The following ANKMY1 variants were observed in gnomAD, a reference collection of about 807,000 sequenced individuals.
ANKMY1 encodes ankyrin repeat and MYND domain containing 1.
In ANKMY1, 98 loss-of-function variants were observed where a neutral mutation model predicts 102.0. That is an observed-to-expected ratio of 0.96 (90% CI 0.82 to 1.14). The LOEUF is 1.14. Among genes scored for constraint, ANKMY1 ranks in the 50% most tolerant of loss-of-function variants. The pLI is 0.00. For missense variants in ANKMY1, 1,330 were observed against 1,347.6 expected (o/e 0.99, Z 0.20); for synonymous variants, 582 against 559.9 (o/e 1.04, Z -0.56).
chr2:240,480,338 G>A (rs1325793834), intron 17 of ANKMY1, among the ~76,000 whole-genome samples: 3 of 152,166 alleles, frequency 2.0e-5, no homozygotes, highest in Admixed American at 6.5e-5. Context: ...CCAGTAGAGC[G>A]GTCACCACTG....
chr2:240,500,405 C>T (rs964059183), intron 14 of ANKMY1, 47 bp downstream of exon 14: 12 of 1,563,138 alleles, frequency 7.7e-6, no homozygotes, highest in East Asian at 2.2e-5. Flanking sequence ...GGGCCCTGCA[C>T]GTGACCCACA....
chr2:240,483,624 T>C (rs2151858440), intron 15 of ANKMY1, among the ~76,000 whole-genome samples: 1 of 152,364 alleles, frequency 6.6e-6, no homozygotes, highest in Non-Finnish European at 1.5e-5. Flanking sequence ...TTGTTTTCTA[T>C]ATGTCTCAGA....
Position 240,500,444 on chromosome 2 carries a change from C to T in ANKMY1, c.2640+8G>A, listed in dbSNP as rs751430926. The T allele has an allele frequency of 1.2e-5, 19 of 1,612,574 alleles. No individual in the cohort carries two copies. In the East Asian group the frequency reaches 4.0e-4, roughly 34 times the overall value. ...CCCCTCCTTCCTCATGGGAGGCTCA[C>T]CACCTACCTGGAAGAATCTGAAGTA... On this transcript the variant is annotated splice_region_variant and intron_variant, in intron 14 of 17. Transcript: ENST00000401804.
intron 4 of ANKMY1, among the ~76,000 whole-genome samples, chr2:240,542,069 G>A (rs988800925): frequency 2.1e-4 from 32 of 152,138 alleles, no homozygotes; most frequent in Middle Eastern, 3.4e-3. Flanking sequence ...TTAGCTGGGC[G>A]TAGTGGCGTT....
chr2:240,541,269 A>G (rs752762266), intron 4 of ANKMY1, among the ~76,000 whole-genome samples: 1 of 152,162 alleles, frequency 6.6e-6, no homozygotes, highest in African/African-American at 2.4e-5. Flanking sequence ...AGCCCAATCC[A>G]TGAAGAGAGG....
intron 13 of ANKMY1, among the ~76,000 whole-genome samples, chr2:240,504,694 G>A (rs1222906414): frequency 6.6e-6 from 1 of 152,172 alleles, no homozygotes; most frequent in Non-Finnish European, 1.5e-5. Context: ...AATCATTAGG[G>A]AAATACGAAT....
intron 15 of ANKMY1, among the ~76,000 whole-genome samples, chr2:240,490,195 T>TA (rs1296138908): frequency 1.3e-5 from 2 of 152,182 alleles, no homozygotes; most frequent in Non-Finnish European, 2.9e-5. Flanking sequence ...GCTACCAGTT[T>TA]ATCAATCTTG....
intron 4 of ANKMY1, among the ~76,000 whole-genome samples, chr2:240,545,960 C>T (rs2090274553): frequency 6.6e-6 from 1 of 152,192 alleles, no homozygotes; most frequent in Non-Finnish European, 1.5e-5. Context: ...AGGAGAACTT[C>T]CCCAATCTAG....
the ANKMY1 span, among the ~76,000 whole-genome samples, chr2:240,470,100 G>T: frequency 6.6e-6 from 1 of 152,210 alleles, no homozygotes; most frequent in Admixed American, 6.5e-5. Context: ...CTCCTGTCCA[G>T]GTGACCCTAA....
At chr2:240,526,207 G>C (rs1219689383) in intron 6 of ANKMY1, 22 bp downstream of exon 6, 1 of 1,613,782 alleles carries the variant, frequency 6.2e-7, no homozygotes, top group Admixed American at 1.7e-5. Context: ...GCGGGCACCA[G>C]CTGGGAGGGT....
At chr2:240,485,462 T>C (rs75488792) in intron 15 of ANKMY1, among the ~76,000 whole-genome samples, 44,185 of 152,188 alleles carry the variant, frequency 0.29, 6,669 homozygotes, top group Non-Finnish European at 0.32. Flanking sequence ...GTATGGTGAT[T>C]CCTCAAGGAT....
intron 15 of ANKMY1, among the ~76,000 whole-genome samples, chr2:240,491,278 T>G (rs1317399116): frequency 6.6e-6 from 1 of 152,204 alleles, no homozygotes; most frequent in Admixed American, 6.5e-5. Flanking sequence ...TTTTTGATCA[T>G]GGATCATTTT....
intron 9 of ANKMY1, among the ~76,000 whole-genome samples, 185 bp from the exon 10 acceptor site, chr2:240,513,127 G>A (rs940327338): frequency 7.9e-5 from 12 of 152,202 alleles, no homozygotes; most frequent in Middle Eastern, 3.2e-3. Flanking sequence ...CTCCCAACAC[G>A]CTGAGCAAGA....
At chr2:240,480,343 C>A (rs936431780) in intron 17 of ANKMY1, among the ~76,000 whole-genome samples, 1 of 152,240 alleles carries the variant, frequency 6.6e-6, no homozygotes, top group Non-Finnish European at 1.5e-5. Flanking sequence ...AGAGCGGTCA[C>A]CACTGCACAG....
chr2:240,471,961 C>T, the ANKMY1 span, among the ~76,000 whole-genome samples: 15 of 152,196 alleles, frequency 9.9e-5, no homozygotes, highest in Non-Finnish European at 1.8e-4. Flanking sequence ...TGAAGGCAGG[C>T]CCACCAACCT....
intron 9 of ANKMY1, among the ~76,000 whole-genome samples, chr2:240,518,769 T>C (rs1435716674): frequency 1.3e-5 from 2 of 152,198 alleles, no homozygotes; most frequent in Admixed American, 1.3e-4. Context: ...CCTTAATCAG[T>C]TTCAAAGACG....
rs761145647 is a variant in ANKMY1, at chr2:240,507,657, G to C, written c.2429C>G (p.Pro810Arg). The change falls in exon 13 of 18, where the codon CCC becomes CGC. Residue 810 changes from proline to arginine, a missense_variant. Coordinates refer to ENST00000401804, the MANE Select transcript of ANKMY1 (RefSeq NM_001282771.3). ...CAAGCCTTTGGTCAGGGGCAGGTTGGGGTCAGCTCCCTGGGTCAGGAGCTC... is the reference window on the plus strand; with the variant it reads ...CAAGCCTTTGGTCAGGGGCAGGTTGCGGTCAGCTCCCTGGGTCAGGAGCTC... The part of the protein sequence containing the change: ...VKELLTQGAD[P>R]NLPLTKGLGS... 11 of 1,610,554 alleles carry C rather than the reference G, an allele frequency of 6.8e-6. No homozygotes were observed. In the East Asian group the frequency reaches 2.2e-4, roughly 33 times the overall value.
the ANKMY1 span, among the ~76,000 whole-genome samples, chr2:240,469,008 G>A: frequency 6.6e-5 from 10 of 152,340 alleles, no homozygotes; most frequent in South Asian, 1.9e-3. Flanking sequence ...AGGGTGGGGT[G>A]GAGTCCTCTC....
At position 240,551,597 on chromosome 2, in the gene ANKMY1, T is replaced by A. The variant is rs915925536; in HGVS notation, c.480+1317A>T. 1.4e-4 allele frequency among the ~76,000 whole-genome samples: 21 copies of A among 152,206 alleles called. 1 individual carries two copies. The highest frequency in any genetic ancestry group is 1.4e-3 in the Admixed American group (21 of 15,288). ...GTAGGTTGTCCTACTGTTATTTGTC[T>A]TTGATGCAAGTGGGGGAATGGAAAG... is the stretch of plus-strand genomic sequence containing the variant. On this transcript the variant is annotated intron_variant, in intron 4 of 17. Transcript: ENST00000401804.
Sources: gnomAD v4.1 joint callset for allele counts (sites outside exome capture counted in the v4.1 genomes callset) on GRCh38, gnomAD v4.1.1 for gene constraint, MANE v1.5 for transcripts, NCBI Gene and HGNC (gene_info 2026-07-23, HGNC 2026-07-21) for gene names.